BEX2: variants seen among roughly 807,000 people sequenced by gnomAD.
BEX2 encodes the protein brain expressed X-linked 2.
A neutral mutation model predicts 4.1 loss-of-function variants in BEX2; 2 were observed. The ratio of observed to expected loss-of-function variants is 0.49; its 90% CI spans 0.20 to 1.53. The LOEUF is 1.53. Ranked by LOEUF, BEX2 falls within the 40% of genes most tolerant of loss-of-function variation. The pLI is 0.23. For missense variants in BEX2, 94 were observed against 99.9 expected, an observed-to-expected ratio of 0.94 and a Z score of 0.25; for synonymous variants, 34 against 35.9, an observed-to-expected ratio of 0.95 and a Z score of 0.19.
intron 1 of BEX2, 167 bp from the exon 2 acceptor site, chrX:103,310,600 A>G: frequency 8.7e-7 from 1 of 1,155,716 alleles, no homozygotes; most frequent in Non-Finnish European, 1.1e-6. Flanking sequence ...TTCTGCATCA[A>G]GAAGGGCGGA....
rs1293899020 is a variant in BEX2 at position 103,309,417 on chromosome X, C to T, written c.*173G>A. On this transcript the variant is annotated 3_prime_UTR_variant, in exon 3 of 3. Transcript: ENST00000372677. Reference sequence around the variant, plus strand: ...CTTTCCATGCAATAGGTAAAACTCTCCTGCTGACAGAAACTTACAAACTGG... The same window carrying T: ...CTTTCCATGCAATAGGTAAAACTCTTCTGCTGACAGAAACTTACAAACTGG... The T allele has an allele frequency of 4.3e-6, 3 of 701,570 alleles. No homozygotes were observed. The African/African-American group carries it at 6.7e-5, about 16-fold the overall frequency. 57.8% of individuals were successfully genotyped at this position (701,570 alleles called of 1,213,427 possible). A position where few individuals can be genotyped will look rare whatever the true frequency, so the allele number is the denominator to read the frequency against.
At position 103,309,348 on chromosome X, in the gene BEX2, C is replaced by T; in HGVS notation, c.*242G>A. The T allele has an allele frequency of 3.5e-6, 1 of 287,365 alleles. No individual in the cohort carries two copies. Among genetic ancestry groups the T allele is most frequent in the Non-Finnish European group, 5.7e-6 (1 of 175,915 alleles). 23.7% of individuals were successfully genotyped at this position (287,365 alleles called of 1,213,427 possible). A position where few individuals can be genotyped will look rare whatever the true frequency, so the allele number is the denominator to read the frequency against. On this transcript the variant is annotated 3_prime_UTR_variant, in exon 3 of 3. Coordinates refer to ENST00000372677, the MANE Select transcript of BEX2 (RefSeq NM_032621.4). ...AAAGTAAAAAAGAATGCAGAGAATG[C>T]TTTTTAAAACTGTTTTATTAACTTC...
At position 103,309,581 on chromosome X, in the gene BEX2, C is replaced by T. The variant is rs1260824590; in HGVS notation, c.*9G>A. 1.7e-6 allele frequency: 2 copies of T among 1,205,013 alleles called. No individual in the cohort carries two copies. On this transcript the variant is annotated 3_prime_UTR_variant, in exon 3 of 3. Transcript: ENST00000372677. Reference sequence around the variant, plus strand: ...GTCTCCCTATTAACTTCAGGGAAACCATCAGGATTCAGGGCATAAGGCAAA... The same window carrying T: ...GTCTCCCTATTAACTTCAGGGAAACTATCAGGATTCAGGGCATAAGGCAAA...
In BEX2 at chrX:103,309,806, G is replaced by A. The variant is rs748890079; in HGVS notation, c.171C>T (p.Arg57=). The change falls in exon 3 of 3, where the codon CGC becomes CGT. Residue 57 remains arginine (R), a synonymous_variant. Transcript: ENST00000372677. ...TATACTGCAGGATGGGCTGCCTAAC[G>A]CGGAACCGCCTACGGTTTCCTCTAG... The part of the protein sequence containing the change: ...CVPRGNRRRF[R]VRQPILQYRW... 6 of 1,211,808 alleles carry A rather than the reference G, an allele frequency of 5.0e-6. No homozygotes were observed. Among genetic ancestry groups the A allele is most frequent in the African/African-American group, 3.5e-5 (2 of 57,753 alleles).
intron 1 of BEX2, 127 bp from the exon 2 acceptor site, chrX:103,310,560 G>T (rs1487047417): frequency 8.7e-7 from 1 of 1,153,806 alleles, no homozygotes; most frequent in Admixed American, 2.6e-5. Flanking sequence ...CCCCGCCTCA[G>T]CCGCCCAGCC....
rs202220241 is a variant in BEX2, at chrX:103,309,819, C to T, written c.158G>A (p.Arg53His). 2.0e-5 allele frequency: 24 copies of T among 1,210,395 alleles called. No individual in the cohort carries two copies. The highest frequency in any genetic ancestry group is 3.5e-5 in the South Asian group (2 of 56,857). Residue 53 changes from arginine (R) to histidine (H), a missense_variant, in exon 3 of 3, where the codon CGT becomes CAT. By Grantham distance (29) the Arg-to-His change is conservative. Coordinates refer to ENST00000372677, the MANE Select transcript of BEX2 (RefSeq NM_032621.4). ...VSEYCVPRGN[R>H]RRFRVRQPIL... ...GGGCTGCCTAACGCGGAACCGCCTA[C>T]GGTTTCCTCTAGGCACACAGTATTC... is the stretch of plus-strand genomic sequence containing the variant.
intron 2 of BEX2, 121 bp downstream of exon 2, chrX:103,310,237 G>T: frequency 1.2e-6 from 1 of 846,482 alleles, no homozygotes; most frequent in Non-Finnish European, 1.6e-6. Context: ...CCAAAATGGA[G>T]GACGAAGAAG....
At position 103,309,879 on chromosome X, in the gene BEX2, T is replaced by A. The variant is rs558277380; in HGVS notation, c.98A>T (p.Lys33Ile). Reference protein sequence around the residue: ...EKDEKEQVANKGEPLALPLNV... With the variant: ...EKDEKEQVANIGEPLALPLNV... ...CAAAGGTAGGGCCAAGGGCTCCCCT[T>A]TATTAGCAACTTGCTCCTTTTCATC... The change falls in exon 3 of 3, where the codon AAA (lysine) becomes ATA (isoleucine). Residue 33 changes from lysine (K) to isoleucine (I), a missense_variant. Coordinates refer to ENST00000372677, the MANE Select transcript of BEX2 (RefSeq NM_032621.4). 2.5e-6 allele frequency: 3 copies of A among 1,210,115 alleles called. No homozygotes were observed. In the African/African-American group the frequency reaches 5.2e-5, roughly 21 times the overall value.
At chrX:103,310,012 C>G (rs746883336) in intron 2 of BEX2, 31 bp from the exon 3 acceptor site, 2 of 1,172,106 alleles carry the variant, frequency 1.7e-6, no homozygotes, top group African/African-American at 3.6e-5. Flanking sequence ...GGACTCAATT[C>G]TTGGTGAACT....
intron 1 of BEX2, 136 bp from the exon 2 acceptor site, chrX:103,310,569 C>T (rs1255992019): frequency 1.7e-6 from 2 of 1,154,578 alleles, no homozygotes; most frequent in Non-Finnish European, 2.3e-6. Context: ...AGCCGCCCAG[C>T]CCCCCAAGCT....
intron 1 of BEX2, 92 bp from the exon 2 acceptor site, chrX:103,310,525 C>A (rs900525449): frequency 3.4e-5 from 39 of 1,146,547 alleles, no homozygotes; most frequent in Non-Finnish European, 4.4e-5. Flanking sequence ...CACGCCGGGC[C>A]CGGGCCCTCC....
At position 103,309,769 on chromosome X, in the gene BEX2, T is replaced by C; in HGVS notation, c.208A>G (p.Met70Val). The change falls in exon 3 of 3, where the codon ATG becomes GTG. Residue 70 changes from methionine (M) to valine (V), a missense_variant. Coordinates refer to ENST00000372677, the MANE Select transcript of BEX2 (RefSeq NM_032621.4). Reference protein sequence around the residue: ...QPILQYRWDIMHRLGEPQARM... With the variant: ...QPILQYRWDIVHRLGEPQARM... Reference sequence around the variant, plus strand: ...GCCTGTGGCTCTCCAAGCCTATGCATTATGTCCCATCTATACTGCAGGATG... The same window carrying C: ...GCCTGTGGCTCTCCAAGCCTATGCACTATGTCCCATCTATACTGCAGGATG... The C allele has an allele frequency of 8.3e-7, 1 of 1,211,957 alleles. No individual in the cohort carries two copies. The highest frequency in any genetic ancestry group is 1.1e-6 in the Non-Finnish European group (1 of 895,581).
At position 103,309,407 on chromosome X, in the gene BEX2, G is replaced by T; in HGVS notation, c.*183C>A. On this transcript the variant is annotated 3_prime_UTR_variant, in exon 3 of 3. Transcript: ENST00000372677. ...TAATGAGCATCTTTCCATGCAATAG[G>T]TAAAACTCTCCTGCTGACAGAAACT... The T allele has an allele frequency of 3.2e-6, 2 of 633,041 alleles. No individual in the cohort carries two copies. Among genetic ancestry groups the T allele is most frequent in the Non-Finnish European group, 2.3e-6 (1 of 429,448 alleles). 52.2% of individuals were successfully genotyped at this position (633,041 alleles called of 1,213,427 possible).
Position 103,309,654 on chromosome X carries a change from A to G in BEX2, c.323T>C (p.Leu108Ser). 8.3e-7 allele frequency: 1 copy of G among 1,211,305 alleles called. No individual in the cohort carries two copies. ...KLREKQLSHS[L>S]RAVSTDPPHH... Reference sequence around the variant, plus strand: ...AGGGGGATCAGTGCTGACTGCCCGCAAACTATGACTCAACTGCTTTTCCCT... The same window carrying G: ...AGGGGGATCAGTGCTGACTGCCCGCGAACTATGACTCAACTGCTTTTCCCT... Residue 108 changes from leucine to serine, a missense_variant, in exon 3 of 3, where the codon TTG becomes TCG. Leu to Ser is a moderately radical substitution (Grantham distance 145). Coordinates refer to ENST00000372677, the MANE Select transcript of BEX2 (RefSeq NM_032621.4).
chrX:103,310,215 C>T (rs1027756868), intron 2 of BEX2, 143 bp downstream of exon 2: 12 of 752,063 alleles, frequency 1.6e-5, no homozygotes, highest in Non-Finnish European at 2.3e-5. Context: ...CATCTCCAGG[C>T]CTCTGCAGGC....
In BEX2 at chrX:103,309,869, G is replaced by A; in HGVS notation, c.108C>T (p.Pro36=). The A allele has an allele frequency of 1.7e-6, 2 of 1,211,850 alleles. No individual in the cohort carries two copies. The highest frequency in any genetic ancestry group is 2.2e-6 in the Non-Finnish European group (2 of 895,564). The stretch of plus-strand genomic sequence containing the variant: ...CACTAACATTCAAAGGTAGGGCCAA[G>A]GGCTCCCCTTTATTAGCAACTTGCT... ...EKEQVANKGE[P]LALPLNVSEY... Residue 36 remains proline (P), a synonymous_variant, in exon 3 of 3, where the codon CCC becomes CCT. Transcript: ENST00000372677.
chrX:103,310,015 G>A (rs1338848814), intron 2 of BEX2, 34 bp from the exon 3 acceptor site: 1 of 1,170,331 alleles, frequency 8.5e-7, no homozygotes, highest in African/African-American at 1.8e-5. Context: ...CTCAATTCTT[G>A]GTGAACTGAT....
Position 103,309,947 on chromosome X carries a change from G to C in BEX2, c.30C>G (p.Asn10Lys). MESKEERAL[N>K]NLIVENVNQE... is the part of the protein sequence containing the mutation. ...GGTTGACATTTTCCACGATGAGATT[G>C]TTTAACGCTCGTTCCTCTTTGGACT... is the stretch of plus-strand genomic sequence containing the variant. The change falls in exon 3 of 3, where the codon AAC becomes AAG. Residue 10 changes from asparagine (N) to lysine (K), a missense_variant. By Grantham distance (94) the Asn-to-Lys change is moderately conservative. Coordinates refer to ENST00000372677, the MANE Select transcript of BEX2 (RefSeq NM_032621.4). The C allele has an allele frequency of 8.3e-7, 1 of 1,208,225 alleles. No homozygotes were observed. Among genetic ancestry groups the C allele is most frequent in the Non-Finnish European group, 1.1e-6 (1 of 894,020 alleles).
rs1445123659 is a variant in BEX2 at position 103,309,555 on chromosome X, G to A, written c.*35C>T. On this transcript the variant is annotated 3_prime_UTR_variant, in exon 3 of 3. Transcript: ENST00000372677. ...CAAATGTGTAAGTTTAGGAAGCAGG[G>A]GTCTCCCTATTAACTTCAGGGAAAC... 2 of 1,195,952 alleles carry A rather than the reference G, an allele frequency of 1.7e-6. No homozygotes were observed. Among genetic ancestry groups the A allele is most frequent in the Admixed American group, 2.2e-5 (1 of 44,970 alleles).
Sources: allele counts gnomAD v4.1 joint callset, GRCh38; gene constraint gnomAD v4.1.1; transcripts MANE v1.5; gene names NCBI Gene and HGNC (gene_info 2026-07-23, HGNC 2026-07-21).